Variants in ABHD2 observed in about 807,000 individuals in gnomAD.
ABHD2 encodes abhydrolase domain containing 2, acylglycerol lipase.
ABHD2 carries 20 observed loss-of-function variants against 48.1 expected under a neutral mutation model. That is an observed-to-expected ratio of 0.42 (90% confidence interval 0.29 to 0.60). The LOEUF (loss-of-function observed/expected upper bound fraction) is 0.60, where lower values mean the gene tolerates loss of function less well. Ranked by LOEUF, ABHD2 falls within the 20% of genes least tolerant of loss-of-function variation. The probability of loss-of-function intolerance (pLI) is 0.24; values close to 1 mark genes in which losing one functional copy is unlikely to be tolerated. For synonymous variants in ABHD2, 209 were observed against 214.2 expected (o/e 0.98, Z 0.21); for missense variants, 405 against 550.9 (o/e 0.74, Z 2.65).
intron 5 of ABHD2, among the ~76,000 whole-genome samples, chr15:89,169,424 T>C (rs977152392): frequency 9.2e-5 from 14 of 152,178 alleles, no homozygotes; most frequent in African/African-American, 3.1e-4. Flanking sequence ...GTAACACTGA[T>C]TGAGTGCCCA....
the ABHD2 span, among the ~76,000 whole-genome samples, chr15:89,081,489 G>A: frequency 3.9e-5 from 6 of 152,186 alleles, no homozygotes; most frequent in Non-Finnish European, 8.8e-5. Context: ...TGCCACGTCT[G>A]CATTGTGGGT....
intron 4 of ABHD2, among the ~76,000 whole-genome samples, chr15:89,152,415 G>T (rs886899669): frequency 7.2e-5 from 11 of 152,202 alleles, no homozygotes; most frequent in Non-Finnish European, 1.5e-5. Flanking sequence ...AAATACAGAA[G>T]CTTGATGTAC....
chr15:89,124,487 G>T (rs761291143), intron 3 of ABHD2, among the ~76,000 whole-genome samples: 2 of 152,196 alleles, frequency 1.3e-5, no homozygotes, highest in Non-Finnish European at 2.9e-5. Context: ...AAGCTGAAAA[G>T]AATTTCATTA....
chr15:89,171,115 C>CAAAAAAAA (rs137861642), intron 5 of ABHD2, among the ~76,000 whole-genome samples: 8,060 of 151,698 alleles, frequency 0.053, 746 homozygotes, highest in African/African-American at 0.19. Flanking sequence ...ACTCCATCTC[C>CAAAAAAAA]AAAAGAAAAA....
chr15:89,191,296 C>A, intron 9 of ABHD2, 147 bp downstream of exon 9: 1 of 743,160 alleles, frequency 1.3e-6, no homozygotes, highest in Non-Finnish European at 2.2e-6. Context: ...GTTTATTGAA[C>A]CAGGCTCTGT....
At chr15:89,051,941 G>A in the ABHD2 span, among the ~76,000 whole-genome samples, 3 of 152,156 alleles carry the variant, frequency 2.0e-5, no homozygotes, top group Admixed American at 6.5e-5. Flanking sequence ...AACAGGACTC[G>A]TGAGAAGCTA....
Position 89,201,074 on chromosome 15 carries a change from C to T in ABHD2, c.*5651C>T, listed in dbSNP as rs1344318987. The T allele has an allele frequency of 5.9e-6, 5 of 841,884 alleles. No individual in the cohort carries two copies. Among genetic ancestry groups the T allele is most frequent in the Admixed American group, 5.7e-5 (3 of 52,794 alleles). 52.2% of individuals were successfully genotyped at this position (841,884 alleles called of 1,614,324 possible). On this transcript the variant is annotated 3_prime_UTR_variant, in exon 11 of 11. Coordinates refer to ENST00000352732, the MANE Select transcript of ABHD2 (RefSeq NM_152924.5). ...TCCAGCCTGGGCAACAAGAGTGAGACTCCGTCTCCAAAAAAAGAAAAGGAA... is the reference window on the plus strand; with the variant it reads ...TCCAGCCTGGGCAACAAGAGTGAGATTCCGTCTCCAAAAAAAGAAAAGGAA...
chr15:89,083,768 A>C (rs1294751506), upstream of ABHD2, among the ~76,000 whole-genome samples: 2 of 152,246 alleles, frequency 1.3e-5, no homozygotes, highest in Non-Finnish European at 2.9e-5. The surrounding 1 kb of genome is among the most constrained non-coding windows in gnomAD (Gnocchi z 5.1). Flanking sequence ...ACTGGCCACC[A>C]GAAAGCCTTT....
chr15:89,193,133 C>T, intron 9 of ABHD2, 102 bp from the exon 10 acceptor site: 1 of 1,136,766 alleles, frequency 8.8e-7, no homozygotes, highest in South Asian at 1.3e-5. Context: ...ACCCTCTTCC[C>T]TTTGCTTCAA....
intron 4 of ABHD2, among the ~76,000 whole-genome samples, chr15:89,154,553 G>T (rs890430819): frequency 2.0e-5 from 3 of 152,070 alleles, no homozygotes; most frequent in Non-Finnish European, 2.9e-5. Flanking sequence ...CACTCTCAAG[G>T]TTCTTGTGTG....
At chr15:89,061,635 C>A in the ABHD2 span, among the ~76,000 whole-genome samples, 9 of 152,102 alleles carry the variant, frequency 5.9e-5, no homozygotes, top group African/African-American at 1.9e-4. Flanking sequence ...TGCAGTGGCA[C>A]AATCTCAGCT....
intron 3 of ABHD2, among the ~76,000 whole-genome samples, chr15:89,134,848 G>A (rs2050277301): frequency 6.6e-6 from 1 of 152,112 alleles, no homozygotes; most frequent in Non-Finnish European, 1.5e-5. Flanking sequence ...ATGGGGTCAA[G>A]TTTTGAGTAT....
intron 1 of ABHD2, among the ~76,000 whole-genome samples, chr15:89,101,219 G>A (rs2049695810): frequency 6.6e-6 from 1 of 152,234 alleles, no homozygotes; most frequent in Non-Finnish European, 1.5e-5. Context: ...TGAGCCCAGT[G>A]AGATGTTCTT....
At position 89,120,072 on chromosome 15, in the gene ABHD2, G is replaced by A. The variant is rs2050024227; in HGVS notation, c.194+3551G>A. Among the ~76,000 whole-genome samples, 1 of 152,064 alleles carries A rather than the reference G, an allele frequency of 6.6e-6. No individual in the cohort carries two copies. Among genetic ancestry groups the A allele is most frequent in the Admixed American group, 6.6e-5 (1 of 15,264 alleles). ...TCAGGACGTGTCTTCTTACTGTTCT[G>A]GTATAGAAAAAAAGTTGATGAAAGG... On this transcript the variant is annotated intron_variant, in intron 3 of 10. Coordinates refer to ENST00000352732, the MANE Select transcript of ABHD2 (RefSeq NM_152924.5). The surrounding 1 kb of genome is among the most constrained non-coding windows in gnomAD (Gnocchi z 4.2).
At position 89,104,975 on chromosome 15, in the gene ABHD2, G is replaced by T. The variant is rs1037087122; in HGVS notation, c.-106-8750G>T. On this transcript the variant is annotated intron_variant, in intron 1 of 10. Transcript: ENST00000352732. The surrounding 1 kb of genome is among the most constrained non-coding windows in gnomAD (Gnocchi z 4.4). ...TTATGGTGTAGATTTTTAAAAATAT[G>T]TTTAGGATAAATCTCACAATTCATA... 2.0e-5 allele frequency among the ~76,000 whole-genome samples: 3 copies of T among 151,532 alleles called. No homozygotes were observed. Among genetic ancestry groups the T allele is most frequent in the Non-Finnish European group, 4.4e-5 (3 of 67,884 alleles).
rs1374440866 is a variant in ABHD2, at chr15:89,120,293, G to C, written c.194+3772G>C. Among the ~76,000 whole-genome samples the C allele has an allele frequency of 6.6e-6, 1 of 152,144 alleles. No individual in the cohort carries two copies. The highest frequency in any genetic ancestry group is 2.4e-5 in the African/African-American group (1 of 41,422). On this transcript the variant is annotated intron_variant, in intron 3 of 10. Transcript: ENST00000352732. The surrounding 1 kb of genome is among the most constrained non-coding windows in gnomAD (Gnocchi z 4.2). ...TTAGAAACAGATCAATATTTACCTA[G>C]TGATTCATTTTTTGTTCTCATGAAG...
At position 89,179,565 on chromosome 15, in the gene ABHD2, CTA is replaced by C. The variant is rs2051074122; in HGVS notation, c.722+3572_722+3573del. On this transcript the variant is annotated intron_variant, in intron 6 of 10. Coordinates refer to ENST00000352732, the MANE Select transcript of ABHD2 (RefSeq NM_152924.5). The surrounding 1 kb of genome is among the most constrained non-coding windows in gnomAD (Gnocchi z 4.3). ...AATAAGCTCAGGGATCTCACTGATT[CTA>C]TGTTATGGTGAGTTGTAGAATTATT... 6.6e-6 allele frequency among the ~76,000 whole-genome samples: 1 copy of C among 152,060 alleles called. No individual in the cohort carries two copies. The highest frequency in any genetic ancestry group is 2.1e-4 in the South Asian group (1 of 4,808).
At chr15:89,055,323 C>CTT in the ABHD2 span, among the ~76,000 whole-genome samples, 1,525 of 124,754 alleles carry the variant, frequency 0.012, 34 homozygotes, top group African/African-American at 0.042. Context: ...ACACTAGTTT[C>CTT]TTTTTTTTTT....
intron 1 of ABHD2, among the ~76,000 whole-genome samples, chr15:89,095,403 G>A (rs116213569): frequency 4.4e-4 from 67 of 152,314 alleles, no homozygotes; most frequent in African/African-American, 1.6e-3. Context: ...TGCAATTGTA[G>A]CACCTTATAG....
Sources: gnomAD v4.1 joint callset for allele counts (sites outside exome capture counted in the v4.1 genomes callset) on GRCh38, gnomAD v4.1.1 for gene constraint, Gnocchi (gnomAD v3.1) non-coding constraint, MANE v1.5 for transcripts, NCBI Gene and HGNC (gene_info 2026-07-23, HGNC 2026-07-21) for gene names.